The following VWF variants were observed in gnomAD, a reference collection of about 807,000 sequenced individuals.
VWF encodes Factor VIII related antigen.
A neutral mutation model predicts 308.6 loss-of-function variants in VWF; 176 were observed. The ratio of observed to expected loss-of-function variants is 0.57; its 90% CI spans 0.50 to 0.65. The LOEUF (loss-of-function observed/expected upper bound fraction) is 0.65. VWF is among the 30% of genes least tolerant of loss of function. The probability of loss-of-function intolerance (pLI) is 0.00; values close to 1 mark genes in which losing one functional copy is unlikely to be tolerated. For missense variants in VWF, 3,146 were observed against 3,648.2 expected, an observed-to-expected ratio of 0.86 and a Z score of 3.55; for synonymous variants, 1,385 against 1,443.4, an observed-to-expected ratio of 0.96 and a Z score of 0.92.
chr12:6,088,503 G>C (rs1944997933), intron 6 of VWF, among the ~76,000 whole-genome samples: 1 of 147,286 alleles, frequency 6.8e-6, no homozygotes. Context: ...GCGAGAGAGA[G>C]AGAGAGAAAG....
chr12:6,067,427 G>A lies in VWF; in HGVS notation c.1157-2154C>T, dbSNP rs1004131738. 5.3e-5 allele frequency among the ~76,000 whole-genome samples: 8 copies of A among 152,206 alleles called. No homozygotes were observed. The East Asian group carries it at 1.5e-3, about 29-fold the overall frequency. The stretch of plus-strand genomic sequence containing the variant: ...GAAAAGAAGGGTCAACGAGAAATGT[G>A]CAAATATTCGAAAGGAAAACTTTCA... On this transcript the variant is annotated intron_variant, in intron 10 of 51. Transcript: ENST00000261405.
rs112543988 is a variant in VWF, at chr12:6,097,490, A to T, written c.533-1906T>A. Among the ~76,000 whole-genome samples, 473 of 152,252 alleles carry T rather than the reference A, an allele frequency of 3.1e-3. 1 individual carries two copies. Among genetic ancestry groups the T allele is most frequent in the African/African-American group, 0.011 (437 of 41,570 alleles). On this transcript the variant is annotated intron_variant, in intron 5 of 51. Transcript: ENST00000261405. ...AACAAAAAAAGACATGGGCAGAGGG[A>T]GACGGGCAAAGACACACACACAGGA... is the stretch of plus-strand genomic sequence containing the variant.
rs61750623 is a variant in VWF, at chr12:5,991,920, C to A, written c.6697G>T (p.Glu2233Ter). 1 of 1,614,088 alleles carries A rather than the reference C, an allele frequency of 6.2e-7. No individual in the cohort carries two copies. The highest frequency in any genetic ancestry group is 8.5e-7 in the Non-Finnish European group (1 of 1,180,054). Reference protein sequence around the residue: ...NVSSCGDHPSEGCFCPPDKVM... With the variant: ...NVSSCGDHPS ...TTATCTGGAGGGCAGAAACAGCCTTCGGAGGGATGGTCCCCACAGGAGCTC... is the reference window on the plus strand; with the variant it reads ...TTATCTGGAGGGCAGAAACAGCCTTAGGAGGGATGGTCCCCACAGGAGCTC... The change falls in exon 38 of 52, where the codon GAA (glutamate) becomes TAA (stop). Residue 2233 changes from glutamate to a stop codon, truncating the protein, a stop_gained. Coordinates refer to ENST00000261405, the MANE Select transcript of VWF (RefSeq NM_000552.5). LOFTEE classifies it high-confidence loss of function.
rs189042061 is a variant in VWF at position 6,062,784 on chromosome 12, A to G, written c.1533+170T>C. Among the ~76,000 whole-genome samples the G allele has an allele frequency of 1.4e-3, 216 of 152,268 alleles. 1 individual carries two copies. Among genetic ancestry groups the G allele is most frequent in the African/African-American group, 4.8e-3 (201 of 41,550 alleles). The stretch of plus-strand genomic sequence containing the variant: ...CAGGGCCAAGAAGGGGCATCCAGAA[A>G]ACAAACACCAGCCTCATAAACAAGA... On this transcript the variant is annotated intron_variant, in intron 13 of 51. Transcript: ENST00000261405.
chr12:5,978,585 A>G (rs1943557929), intron 42 of VWF, among the ~76,000 whole-genome samples: 1 of 152,216 alleles, frequency 6.6e-6, no homozygotes. Flanking sequence ...GATAAAGCAA[A>G]TAAGTAGTTA....
intron 44 of VWF, among the ~76,000 whole-genome samples, chr12:5,969,733 G>T (rs150919293): frequency 6.6e-6 from 1 of 152,212 alleles, no homozygotes; most frequent in Non-Finnish European, 1.5e-5. Context: ...AGGTGCAGCC[G>T]GGAAGCTCAA....
At chr12:6,080,802 C>T (rs762477957) in intron 6 of VWF, among the ~76,000 whole-genome samples, 12 of 152,226 alleles carry the variant, frequency 7.9e-5, no homozygotes, top group Non-Finnish European at 1.8e-4. Context: ...CCTGTTCCCA[C>T]GCCCTCAGAC....
intron 15 of VWF, among the ~76,000 whole-genome samples, chr12:6,053,002 A>C (rs994065750): frequency 1.3e-5 from 2 of 152,208 alleles, no homozygotes; most frequent in Admixed American, 1.3e-4. Flanking sequence ...TTATATCTGT[A>C]TGGTCATCAA....
rs574404824 is a variant in VWF at position 5,959,663 on chromosome 12, A to T, written c.7888-6069T>A. ...ATCTTAGAGATTATATTCTATGACCAATTTCAATATAATGAAATTATATTG... is the reference window on the plus strand; with the variant it reads ...ATCTTAGAGATTATATTCTATGACCTATTTCAATATAATGAAATTATATTG... On this transcript the variant is annotated intron_variant, in intron 47 of 51. Transcript: ENST00000261405. Among the ~76,000 whole-genome samples, 130 of 152,274 alleles carry T rather than the reference A, an allele frequency of 8.5e-4. 1 individual carries two copies. The Middle Eastern group carries it at 0.041, about 48-fold the overall frequency.
chr12:5,984,365 T>C (rs1277393147), intron 40 of VWF, among the ~76,000 whole-genome samples: 2 of 152,260 alleles, frequency 1.3e-5, no homozygotes, highest in African/African-American at 4.8e-5. Context: ...TTATTTCTGA[T>C]CAATTTCATG....
Position 5,992,144 on chromosome 12 carries a change from T to C in VWF, c.6599-126A>G, listed in dbSNP as rs111955751. On this transcript the variant is annotated intron_variant, in intron 37 of 51. Coordinates refer to ENST00000261405, the MANE Select transcript of VWF (RefSeq NM_000552.5). ...GGCAGAGACGGCTATTTTCCACCAA[T>C]CTTCATCCTCCCCACCTTCCATAGA... 10,399 of 844,280 alleles carry C rather than the reference T, an allele frequency of 0.012. 721 individuals are homozygous for C. In the African/African-American group the frequency reaches 0.15, roughly 12 times the overall value. 52.3% of individuals were successfully genotyped at this position (844,280 alleles called of 1,614,324 possible).
intron 16 of VWF, among the ~76,000 whole-genome samples, chr12:6,048,501 C>T (rs1182361531): frequency 2.7e-5 from 4 of 147,892 alleles, no homozygotes; most frequent in Admixed American, 2.0e-4. Flanking sequence ...CTTACTCTGT[C>T]GCCCAGGCTG....
intron 6 of VWF, among the ~76,000 whole-genome samples, chr12:6,094,946 C>G (rs116055069): frequency 0.036 from 5,237 of 145,290 alleles, 319 homozygotes; most frequent in African/African-American, 0.13. Flanking sequence ...TGCTAAGCTC[C>G]GCCTCCTGGG....
In VWF at chr12:6,034,782, T is replaced by C. The variant is rs146405753; in HGVS notation, c.2591A>G (p.Asp864Gly). Residue 864 changes from aspartate (D) to glycine (G), a missense_variant, in exon 20 of 52, where the codon GAT (aspartate) becomes GGT (glycine). Physicochemically the swap from Asp to Gly is moderately conservative, Grantham distance 94. Transcript: ENST00000261405. ...CATGCCGATCGTGGAGCACGTGGCA[T>C]CACACACATGGTCTGTGCAGTTCCA... ...RKWNCTDHVCDATCSTIGMAH... is the reference protein window; with the variant it reads ...RKWNCTDHVCGATCSTIGMAH... 9.9e-6 allele frequency: 16 copies of C among 1,614,068 alleles called. No individual in the cohort carries two copies. The highest frequency in any genetic ancestry group is 1.4e-5 in the Non-Finnish European group (16 of 1,180,036).
rs557552698 is a variant in VWF at position 6,072,499 on chromosome 12, C to T, written c.998-57G>A. 6.4e-6 allele frequency: 9 copies of T among 1,396,864 alleles called. No individual in the cohort carries two copies. In the South Asian group the frequency reaches 8.2e-5, roughly 13 times the overall value. 86.5% of individuals were successfully genotyped at this position (1,396,864 alleles called of 1,614,324 possible). On this transcript the variant is annotated intron_variant, in intron 8 of 51. Coordinates refer to ENST00000261405, the MANE Select transcript of VWF (RefSeq NM_000552.5). ...AACATTGTCATTGCGTCACTCATCC[C>T]ACAACTATAGAATCCCCAGGGACAA... is the stretch of plus-strand genomic sequence containing the variant.
At position 6,060,339 on chromosome 12, in the gene VWF, CG is replaced by C. The variant is rs1269007526; in HGVS notation, c.1534-2296del. 2.0e-5 allele frequency among the ~76,000 whole-genome samples: 3 copies of C among 152,092 alleles called. No homozygotes were observed. The highest frequency in any genetic ancestry group is 4.4e-5 in the Non-Finnish European group (3 of 68,006). On this transcript the variant is annotated intron_variant, in intron 13 of 51. Transcript: ENST00000261405. The surrounding 1 kb of genome is among the most constrained non-coding windows in gnomAD (Gnocchi z 5.1). Reference sequence around the variant, plus strand: ...CTTGCTGCCTGGACCGCCAGCCCCACGGGGACAAAGCGTACATAACACACCC... The same window carrying C: ...CTTGCTGCCTGGACCGCCAGCCCCACGGGACAAAGCGTACATAACACACCC...
intron 9 of VWF, among the ~76,000 whole-genome samples, 184 bp from the exon 10 acceptor site, chr12:6,071,527 G>C (rs906010471): frequency 2.0e-5 from 3 of 151,916 alleles, no homozygotes; most frequent in African/African-American, 7.3e-5. Context: ...GGCCACAAAG[G>C]AATCTTAGAG....
rs1335184029 is a variant in VWF at position 6,010,601 on chromosome 12, T to C, written c.5842+1016A>G. 2.0e-5 allele frequency among the ~76,000 whole-genome samples: 3 copies of C among 152,238 alleles called. No homozygotes were observed. The East Asian group carries it at 5.8e-4, about 29-fold the overall frequency. On this transcript the variant is annotated intron_variant, in intron 34 of 51. Transcript: ENST00000261405. ...AGCATTGCTTGTCATTACAAAACAC[T>C]GGAAACAGCCTAAACGCACATCCAT...
intron 6 of VWF, among the ~76,000 whole-genome samples, chr12:6,092,634 T>TGAGAGAGAGAGAGAGAGAGAGA (rs1565386750): frequency 1.3e-5 from 1 of 79,262 alleles, no homozygotes; most frequent in African/African-American, 7.9e-5. Context: ...TGTGTGTGTG[T>TGAGAGAGAGAGAGAGAGAGAGA]GTGTGTGTGT....
Sources: gnomAD v4.1 joint callset for allele counts (sites outside exome capture counted in the v4.1 genomes callset) on GRCh38, gnomAD v4.1.1 for gene constraint, Gnocchi (gnomAD v3.1) non-coding constraint, MANE v1.5 for transcripts, NCBI Gene and HGNC (gene_info 2026-07-23, HGNC 2026-07-21) for gene names.